SDK1: variants seen among roughly 807,000 people sequenced by gnomAD.
The protein encoded by SDK1 is protein sidekick-1.
SDK1 carries 157 observed loss-of-function variants against 245.5 expected under a neutral mutation model. The ratio of observed to expected loss-of-function variants is 0.64; its 90% CI spans 0.56 to 0.73. The LOEUF is 0.73. SDK1 is among the 30% of genes least tolerant of loss of function. The probability of loss-of-function intolerance (pLI) is 0.00; values close to 1 mark genes in which losing one functional copy is unlikely to be tolerated. For synonymous variants in SDK1, 1,647 were observed against 1,278.5 expected, an observed-to-expected ratio of 1.29 and a Z score of -6.15; for missense variants, 3,583 against 3,002.3, an observed-to-expected ratio of 1.19 and a Z score of -4.52.
intron 1 of SDK1, among the ~76,000 whole-genome samples, chr7:3,551,803 A>C (rs113353245): frequency 1.3e-5 from 2 of 151,908 alleles, no homozygotes; most frequent in African/African-American, 4.8e-5. Flanking sequence ...GGCCTCCCGA[A>C]GAGTTGAGAT....
intron 5 of SDK1, among the ~76,000 whole-genome samples, chr7:3,913,653 G>A (rs951663390): frequency 2.0e-5 from 3 of 151,992 alleles, no homozygotes; most frequent in Non-Finnish European, 2.9e-5. Flanking sequence ...TTAGTGCTCT[G>A]GTAACATCCT....
At chr7:3,755,312 A>T (rs1408147656) in intron 4 of SDK1, among the ~76,000 whole-genome samples, 1 of 151,916 alleles carries the variant, frequency 6.6e-6, no homozygotes, top group Admixed American at 6.6e-5. Flanking sequence ...AATAGGGACG[A>T]CTCAGTCACT....
At chr7:3,745,033 A>G (rs963707850) in intron 4 of SDK1, among the ~76,000 whole-genome samples, 16 of 152,248 alleles carry the variant, frequency 1.1e-4, no homozygotes, top group African/African-American at 3.9e-4. Context: ...CCATGTGATG[A>G]TCATCTGTTA....
chr7:4,055,249 T>G (rs1779123375), intron 19 of SDK1, among the ~76,000 whole-genome samples: 1 of 152,198 alleles, frequency 6.6e-6, no homozygotes, highest in South Asian at 2.1e-4. Flanking sequence ...AGGAATATTT[T>G]TAATATAAAT....
At chr7:3,382,277 C>T (rs866540132) in intron 1 of SDK1, among the ~76,000 whole-genome samples, 57 of 151,842 alleles carry the variant, frequency 3.8e-4, no homozygotes, top group African/African-American at 1.2e-3. Context: ...ACCCTTTATC[C>T]CCATTTTAAA....
intron 5 of SDK1, among the ~76,000 whole-genome samples, chr7:3,862,174 C>A (rs1780709807): frequency 6.6e-6 from 1 of 152,186 alleles, no homozygotes; most frequent in Admixed American, 6.5e-5. Flanking sequence ...TTATTTAGAC[C>A]AGTTCTCAGC....
At chr7:3,363,879 A>C (rs1257124674) in intron 1 of SDK1, among the ~76,000 whole-genome samples, 1 of 152,146 alleles carries the variant, frequency 6.6e-6, no homozygotes, top group East Asian at 1.9e-4. Flanking sequence ...TGGTTTAAGA[A>C]ACCTTTTTTG....
At chr7:3,404,888 C>A (rs976253006) in intron 1 of SDK1, among the ~76,000 whole-genome samples, 2 of 152,034 alleles carry the variant, frequency 1.3e-5, no homozygotes, top group African/African-American at 2.4e-5. Context: ...TAATGTATAT[C>A]GTAAGATTGA....
intron 1 of SDK1, among the ~76,000 whole-genome samples, chr7:3,431,980 A>G (rs1779860086): frequency 1.3e-5 from 2 of 151,972 alleles, no homozygotes; most frequent in African/African-American, 4.8e-5. Flanking sequence ...ATGTTAAATT[A>G]TACATCCCAG....
At chr7:4,062,686 A>G (rs892975491) in intron 19 of SDK1, among the ~76,000 whole-genome samples, 4 of 152,242 alleles carry the variant, frequency 2.6e-5, no homozygotes, top group Admixed American at 6.5e-5. Flanking sequence ...CCTGATGAAC[A>G]TAGACACAAA....
At chr7:3,402,859 A>T (rs1478824874) in intron 1 of SDK1, among the ~76,000 whole-genome samples, 1 of 152,204 alleles carries the variant, frequency 6.6e-6, no homozygotes, top group African/African-American at 2.4e-5. Context: ...ACTTATATAA[A>T]TGTGATAGCT....
At chr7:3,902,948 C>T (rs1222587609) in intron 5 of SDK1, among the ~76,000 whole-genome samples, 2 of 151,852 alleles carry the variant, frequency 1.3e-5, no homozygotes, top group Non-Finnish European at 2.9e-5. Flanking sequence ...GACAAATGGC[C>T]TAATTTTAAA....
intron 1 of SDK1, among the ~76,000 whole-genome samples, chr7:3,316,893 TG>T (rs1660234450): frequency 6.6e-6 from 1 of 152,100 alleles, no homozygotes; most frequent in African/African-American, 2.4e-5. Flanking sequence ...AAAAAGGGTC[TG>T]GGGGTCTGGG....
At chr7:3,515,300 C>CT (rs898656793) in intron 1 of SDK1, among the ~76,000 whole-genome samples, 18 of 152,128 alleles carry the variant, frequency 1.2e-4, no homozygotes, top group African/African-American at 4.3e-4. Flanking sequence ...ATTCGTTCTT[C>CT]TTTTGTTGTG....
At chr7:3,492,108 C>T (rs1309688603) in intron 1 of SDK1, among the ~76,000 whole-genome samples, 1 of 152,116 alleles carries the variant, frequency 6.6e-6, no homozygotes, top group African/African-American at 2.4e-5. Context: ...ACTTAAATTT[C>T]CCCTAATAGA....
chr7:3,948,183 A>T (rs745935967), intron 5 of SDK1, among the ~76,000 whole-genome samples: 1 of 147,908 alleles, frequency 6.8e-6, no homozygotes, highest in Non-Finnish European at 1.5e-5. Flanking sequence ...TATAACCTTG[A>T]CCTTGTTGTG....
chr7:3,530,335 A>G (rs1295871472), intron 1 of SDK1, among the ~76,000 whole-genome samples: 2 of 152,184 alleles, frequency 1.3e-5, no homozygotes, highest in African/African-American at 4.8e-5. Flanking sequence ...CACCCCCCGC[A>G]TAAACATTTT....
chr7:3,649,180 G>A (rs971134260), intron 4 of SDK1, among the ~76,000 whole-genome samples: 3 of 152,158 alleles, frequency 2.0e-5, no homozygotes, highest in East Asian at 3.9e-4. Flanking sequence ...GTGCTGCCAC[G>A]CTGAGAAGAC....
At chr7:3,437,147 C>A (rs1369956917) in intron 1 of SDK1, among the ~76,000 whole-genome samples, 4 of 152,148 alleles carry the variant, frequency 2.6e-5, no homozygotes, top group Non-Finnish European at 5.9e-5. Context: ...TTACTGTAGT[C>A]CTTCACCTTT....
Sources: gnomAD v4.1 joint callset for allele counts (sites outside exome capture counted in the v4.1 genomes callset) on GRCh38, gnomAD v4.1.1 for gene constraint, MANE v1.5 for transcripts, NCBI Gene and HGNC (gene_info 2026-07-23, HGNC 2026-07-21) for gene names.